Variants in NEDD4L observed in about 807,000 individuals in gnomAD.
NEDD4L encodes the protein E3 ubiquitin-protein ligase NEDD4-like.
In NEDD4L, 54 loss-of-function variants were observed where a neutral mutation model predicts 148.9. That is an observed-to-expected ratio of 0.36 (90% CI 0.29 to 0.45). The LOEUF (loss-of-function observed/expected upper bound fraction) is 0.45, where lower values mean the gene tolerates loss of function less well. Among genes scored for constraint, NEDD4L ranks in the 20% least tolerant of loss-of-function variants. The probability of loss-of-function intolerance (pLI) is 1.00; values close to 1 mark genes in which losing one functional copy is unlikely to be tolerated. For missense variants in NEDD4L, 856 were observed against 1,233.8 expected (o/e 0.69, Z 4.59); for synonymous variants, 433 against 440.7 (o/e 0.98, Z 0.22).
At chr18:58,368,587 T>A (rs1192888001) in intron 22 of NEDD4L, among the ~76,000 whole-genome samples, 1 of 152,226 alleles carries the variant, frequency 6.6e-6, no homozygotes, top group African/African-American at 2.4e-5. Flanking sequence ...GGATTTGAGA[T>A]TGACATTGCA....
At chr18:58,375,130 A>G (rs1016399570) in intron 24 of NEDD4L, among the ~76,000 whole-genome samples, 1 of 150,898 alleles carries the variant, frequency 6.6e-6, no homozygotes, top group African/African-American at 2.4e-5. Flanking sequence ...TCCTCATGCC[A>G]TCTCCCCTCC....
At position 58,044,754 on chromosome 18, in the gene NEDD4L, A is replaced by G. The variant is rs375630375; in HGVS notation, c.48+46A>G. 96 of 1,589,902 alleles carry G rather than the reference A, an allele frequency of 6.0e-5. 1 individual carries two copies. In the African/African-American group the frequency reaches 1.2e-3, roughly 19 times the overall value. On this transcript the variant is annotated intron_variant, in intron 1 of 30. Transcript: ENST00000400345. ...GCTCGGGACTCCCCGGGGAGTTCCT[A>G]TCCCGCGCCGGCAGGGGGAGGGGAA...
chr18:58,305,631 C>G (rs886591570), intron 5 of NEDD4L, among the ~76,000 whole-genome samples: 1 of 152,226 alleles, frequency 6.6e-6, no homozygotes, highest in East Asian at 1.9e-4. Flanking sequence ...TCTGCCTAAA[C>G]GAGCACCTGC....
intron 3 of NEDD4L, among the ~76,000 whole-genome samples, chr18:58,248,605 A>G (rs2047551108): frequency 6.6e-6 from 1 of 152,134 alleles, no homozygotes; most frequent in Non-Finnish European, 1.5e-5. Context: ...TATCAATGCT[A>G]ATTTCTTGAA....
intron 2 of NEDD4L, among the ~76,000 whole-genome samples, chr18:58,232,276 GA>G (rs539538271): frequency 1.1e-3 from 161 of 152,192 alleles, no homozygotes; most frequent in African/African-American, 3.9e-3. Flanking sequence ...AGTAACTTAA[GA>G]GAGGATTTTA....
At chr18:58,395,423 C>T (rs2050359665) in intron 30 of NEDD4L, among the ~76,000 whole-genome samples, 1 of 152,190 alleles carries the variant, frequency 6.6e-6, no homozygotes, top group African/African-American at 2.4e-5. Flanking sequence ...TTCCCCATGT[C>T]ACAGAAGCAC....
chr18:58,277,981 G>A (rs2052398973), intron 5 of NEDD4L, among the ~76,000 whole-genome samples: 1 of 151,940 alleles, frequency 6.6e-6, no homozygotes, highest in Non-Finnish European at 1.5e-5. Flanking sequence ...AGAAAACTTT[G>A]TCTAAAAGAT....
chr18:58,232,168 G>T (rs1265872535), intron 2 of NEDD4L, among the ~76,000 whole-genome samples: 1 of 152,206 alleles, frequency 6.6e-6, no homozygotes, highest in African/African-American at 2.4e-5. Context: ...GCTCTGACGA[G>T]GTGGGGCAGG....
At chr18:58,210,333 C>T (rs1377294134) in intron 2 of NEDD4L, among the ~76,000 whole-genome samples, 1 of 152,150 alleles carries the variant, frequency 6.6e-6, no homozygotes, top group Non-Finnish European at 1.5e-5. Context: ...AAAGTTGATC[C>T]AAGAAGCATG....
intron 28 of NEDD4L, 52 bp from the exon 29 acceptor site, chr18:58,390,594 A>T: frequency 9.0e-7 from 1 of 1,116,706 alleles, no homozygotes; most frequent in Non-Finnish European, 1.3e-6. Context: ...TGACAGCAGC[A>T]TGTGCCATGG....
intron 1 of NEDD4L, among the ~76,000 whole-genome samples, chr18:58,122,014 G>T (rs995854470): frequency 2.0e-5 from 3 of 152,150 alleles, no homozygotes; most frequent in African/African-American, 7.2e-5. Context: ...ATTTCAACTC[G>T]TTCTGCTCAG....
intron 1 of NEDD4L, among the ~76,000 whole-genome samples, chr18:58,070,471 A>G (rs183919723): frequency 3.3e-5 from 5 of 152,082 alleles, no homozygotes; most frequent in Non-Finnish European, 7.4e-5. Flanking sequence ...GAGTCTCCCT[A>G]TGTTACCCAG....
At chr18:58,331,872 C>T (rs2059817361) in intron 11 of NEDD4L, among the ~76,000 whole-genome samples, 1 of 152,140 alleles carries the variant, frequency 6.6e-6, no homozygotes, top group Non-Finnish European at 1.5e-5. Flanking sequence ...TTTTAAAAGA[C>T]AGTATACGCC....
chr18:58,115,149 G>A (rs1177456207), intron 1 of NEDD4L, among the ~76,000 whole-genome samples: 1 of 152,002 alleles, frequency 6.6e-6, no homozygotes, highest in African/African-American at 2.4e-5. Context: ...TGTGAACCTG[G>A]CTCACTGGCC....
At chr18:58,166,877 A>C (rs1274836747) in intron 2 of NEDD4L, among the ~76,000 whole-genome samples, 1 of 152,118 alleles carries the variant, frequency 6.6e-6, no homozygotes, top group Non-Finnish European at 1.5e-5. Flanking sequence ...CTCTATAAAG[A>C]AGCCCCTTTC....
chr18:58,361,252 C>G (rs2045431479), intron 19 of NEDD4L, among the ~76,000 whole-genome samples: 1 of 152,180 alleles, frequency 6.6e-6, no homozygotes, highest in Non-Finnish European at 1.5e-5. Flanking sequence ...AATATCAGTT[C>G]TAAGTAGGCC....
intron 25 of NEDD4L, among the ~76,000 whole-genome samples, 195 bp from the exon 26 acceptor site, chr18:58,385,331 G>T (rs1186322691): frequency 2.6e-5 from 4 of 152,178 alleles, no homozygotes; most frequent in Non-Finnish European, 5.9e-5. Flanking sequence ...TCTCCAGTGA[G>T]ATTTTAGGTT....
At position 58,400,763 on chromosome 18, in the gene NEDD4L, C is replaced by T. The variant is rs906657790; in HGVS notation, c.*4494C>T. On this transcript the variant is annotated 3_prime_UTR_variant, in exon 31 of 31. Transcript: ENST00000400345. ...AGAAGCCTTCCTCGTGACCATAACT[C>T]TGTGTCTGCAGATATGTGTTCCCGT... 6.6e-6 allele frequency: 1 copy of T among 152,214 alleles called. No homozygotes were observed. The allele number at this position is 152,214 out of a possible 1,614,324, so 9.4% of individuals were successfully genotyped here. A position where few individuals can be genotyped will look rare whatever the true frequency, so the allele number is the denominator to read the frequency against.
At chr18:58,376,598 T>C (rs183070710) in intron 24 of NEDD4L, among the ~76,000 whole-genome samples, 134 of 152,284 alleles carry the variant, frequency 8.8e-4, no homozygotes, top group Non-Finnish European at 1.5e-3. Context: ...CGATCTCTTC[T>C]CTCACTCACA....
Sources: allele counts gnomAD v4.1 joint callset (sites outside exome capture counted in the v4.1 genomes callset), GRCh38; gene constraint gnomAD v4.1.1; transcripts MANE v1.5; gene names NCBI Gene and HGNC (gene_info 2026-07-23, HGNC 2026-07-21).